Variants in SLC6A17 observed in about 807,000 individuals in gnomAD.
The protein encoded by SLC6A17 is solute carrier family 6 member 17.
Under a neutral mutation model 64.5 loss-of-function variants are expected in SLC6A17, and 21 were observed. That is an observed-to-expected ratio of 0.33 (90% confidence interval 0.23 to 0.47). The LOEUF is 0.47. SLC6A17 is among the 20% of genes least tolerant of loss of function. The probability of loss-of-function intolerance (pLI) is 1.00; values close to 1 mark genes in which losing one functional copy is unlikely to be tolerated. For synonymous variants in SLC6A17, 372 were observed against 399.5 expected (o/e 0.93, Z 0.82); for missense variants, 682 against 963.2 (o/e 0.71, Z 3.86).
chr1:110,180,105 CA>C (rs1269684238), intron 6 of SLC6A17, among the ~76,000 whole-genome samples: 1 of 152,072 alleles, frequency 6.6e-6, no homozygotes, highest in Non-Finnish European at 1.5e-5. Flanking sequence ...AATTAAAAAT[CA>C]ACATAAAAAT....
In SLC6A17 at chr1:110,172,101, G is replaced by A. The variant is rs1447217919; in HGVS notation, c.328G>A (p.Gly110Arg). The change falls in exon 3 of 12, where the codon GGG (glycine) becomes AGG (arginine). Residue 110 changes from glycine to arginine, a missense_variant. By Grantham distance (125) the Gly-to-Arg change is moderately radical. Transcript: ENST00000331565. ...VPYLVLLIII[G>R]IPLFFLELAV... Reference sequence around the variant, plus strand: ...CTACCTGGTGCTGCTGATCATCATCGGGATCCCCCTCTTCTTCCTGGAGCT... The same window carrying A: ...CTACCTGGTGCTGCTGATCATCATCAGGATCCCCCTCTTCTTCCTGGAGCT... 5.6e-6 allele frequency: 9 copies of A among 1,614,080 alleles called. No individual in the cohort carries two copies. Among genetic ancestry groups the A allele is most frequent in the Non-Finnish European group, 6.8e-6 (8 of 1,180,000 alleles).
In SLC6A17 at chr1:110,192,472, C is replaced by A. The variant is rs1297653347; in HGVS notation, c.1107-34C>A. 2.5e-6 allele frequency: 4 copies of A among 1,588,252 alleles called. No homozygotes were observed. Among genetic ancestry groups the A allele is most frequent in the African/African-American group, 2.7e-5 (2 of 74,722 alleles). On this transcript the variant is annotated intron_variant, in intron 7 of 11. Transcript: ENST00000331565. The surrounding 1 kb of genome is among the most constrained non-coding windows in gnomAD (Gnocchi z 4.3). ...GATCTCACCCATTGCCCACCCCTGC[C>A]TTCTTACCTGGTCCTCTCGGTTTTG...
At position 110,172,113 on chromosome 1, in the gene SLC6A17, T is replaced by C. The variant is rs1656255448; in HGVS notation, c.340T>C (p.Phe114Leu). 1.9e-6 allele frequency: 3 copies of C among 1,614,016 alleles called. No homozygotes were observed. Among genetic ancestry groups the C allele is most frequent in the Non-Finnish European group, 2.5e-6 (3 of 1,180,028 alleles). Residue 114 changes from phenylalanine to leucine, a missense_variant, in exon 3 of 12, where the codon TTC becomes CTC. Phe to Leu is a conservative substitution (Grantham distance 22, BLOSUM62 0). Around this residue, in one of 3 missense-constraint regions of SLC6A17, gnomAD observed 415 missense variants for 603.8 expected, o/e 0.69. Coordinates refer to ENST00000331565, the MANE Select transcript of SLC6A17 (RefSeq NM_001010898.4). ...VLLIIIGIPLFFLELAVGQRI... is the reference protein window; with the variant it reads ...VLLIIIGIPLLFLELAVGQRI... ...GCTGATCATCATCGGGATCCCCCTC[T>C]TCTTCCTGGAGCTGGCTGTGGGTCA...
At position 110,167,051 on chromosome 1, in the gene SLC6A17, C is replaced by G. The variant is rs1656082043; in HGVS notation, c.122C>G (p.Ala41Gly). 2.5e-6 allele frequency: 4 copies of G among 1,611,742 alleles called. No individual in the cohort carries two copies. In the East Asian group the frequency reaches 8.9e-5, roughly 36 times the overall value. Reference sequence around the variant, plus strand: ...TATAAGCAGAGTGTACTGAATGTGGCTGGTGAGGCAGGCGGCAAGCAGAAG... The same window carrying G: ...TATAAGCAGAGTGTACTGAATGTGGGTGGTGAGGCAGGCGGCAAGCAGAAG... ...VDYKQSVLNV[A>G]GEAGGKQKAV... The change falls in exon 2 of 12, where the codon GCT becomes GGT. Residue 41 changes from alanine to glycine, a missense_variant. By Grantham distance (60) the Ala-to-Gly change is moderately conservative. Around this residue, in one of 3 missense-constraint regions of SLC6A17, gnomAD observed 415 missense variants for 603.8 expected, o/e 0.69. Transcript: ENST00000331565.
chr1:110,183,603 A>G (rs1656588194), intron 6 of SLC6A17, among the ~76,000 whole-genome samples: 1 of 152,194 alleles, frequency 6.6e-6, no homozygotes, highest in Admixed American at 6.5e-5. Flanking sequence ...TTGTGCACTT[A>G]AAAAATTCAA....
rs987715757 is a variant in SLC6A17, at chr1:110,200,382, G to C, written c.*1938G>C. 3 of 322,116 alleles carry C rather than the reference G, an allele frequency of 9.3e-6. No homozygotes were observed. The highest frequency in any genetic ancestry group is 1.7e-5 in the Non-Finnish European group (3 of 178,076). 20.0% of individuals were successfully genotyped at this position (322,116 alleles called of 1,614,324 possible). On this transcript the variant is annotated 3_prime_UTR_variant, in exon 12 of 12. Transcript: ENST00000331565. ...CATCCCACCGCAGTCCCCCTCACCC[G>C]ACAACACCTCCTACCTGGCCCCTTG...
In SLC6A17 at chr1:110,173,992, T is replaced by C. The variant is rs745842654; in HGVS notation, c.464T>C (p.Leu155Pro). 14 of 1,613,844 alleles carry C rather than the reference T, an allele frequency of 8.7e-6. No homozygotes were observed. In the South Asian group the frequency reaches 1.4e-4, roughly 16 times the overall value. The change falls in exon 4 of 12, where the codon CTG becomes CCG. Residue 155 changes from leucine to proline, a missense_variant. Physicochemically the swap from Leu to Pro is moderately conservative, Grantham distance 98 (BLOSUM62 -3). Transcript: ENST00000331565. ...SSCIVCLFVG[L>P]YYNVIIGWSI... ...CCCCAGGTCTGTCTCTTTGTGGGGC[T>C]GTATTATAATGTGATCATCGGGTGG...
chr1:110,200,045 G>A lies in SLC6A17; in HGVS notation c.*1601G>A, dbSNP rs537134015. On this transcript the variant is annotated 3_prime_UTR_variant, in exon 12 of 12. Coordinates refer to ENST00000331565, the MANE Select transcript of SLC6A17 (RefSeq NM_001010898.4). Reference sequence around the variant, plus strand: ...GCTCCATCTTTGAGAGCTCTGGTGGGCAGGGCAGAAACAGGCCACAGTGCT... The same window carrying A: ...GCTCCATCTTTGAGAGCTCTGGTGGACAGGGCAGAAACAGGCCACAGTGCT... The A allele has an allele frequency of 1.0e-5, 4 of 398,460 alleles. No homozygotes were observed. The Admixed American group carries it at 1.8e-4, about 18-fold the overall frequency. 24.7% of individuals were successfully genotyped at this position (398,460 alleles called of 1,614,324 possible). A position where few individuals can be genotyped will look rare whatever the true frequency, so the allele number is the denominator to read the frequency against.
chr1:110,183,950 C>T (rs1397646589), intron 6 of SLC6A17, among the ~76,000 whole-genome samples: 2 of 151,948 alleles, frequency 1.3e-5, no homozygotes, highest in Admixed American at 6.5e-5. Flanking sequence ...GCACGAAGGG[C>T]CCCCTGGAGG....
At chr1:110,185,647 C>T (rs1198597510) in intron 6 of SLC6A17, among the ~76,000 whole-genome samples, 1 of 152,232 alleles carries the variant, frequency 6.6e-6, no homozygotes, top group African/African-American at 2.4e-5. Context: ...GAGGGAAAAG[C>T]CCATTGCCCA....
Position 110,152,553 on chromosome 1 carries a change from G to A in SLC6A17, c.-88+1670G>A, listed in dbSNP as rs1006732390. On this transcript the variant is annotated intron_variant, in intron 1 of 11. Transcript: ENST00000331565. ...AAGCAGAGCTCTGGCTGTTGAGCAA[G>A]GGTCCTGGAGCTCTGACTCCTTGGG... 1.6e-4 allele frequency among the ~76,000 whole-genome samples: 25 copies of A among 152,206 alleles called. 1 individual carries two copies. Among genetic ancestry groups the A allele is most frequent in the Admixed American group, 4.6e-4 (7 of 15,292 alleles).
chr1:110,178,233 G>C (rs541298622), intron 6 of SLC6A17, among the ~76,000 whole-genome samples: 8 of 152,080 alleles, frequency 5.3e-5, no homozygotes, highest in Non-Finnish European at 1.0e-4. Flanking sequence ...ATATGCTCTG[G>C]TGTTGTTCCT....
At chr1:110,167,347 CA>C in intron 2 of SLC6A17, 132 bp downstream of exon 2, 1 of 1,156,426 alleles carries the variant, frequency 8.6e-7, no homozygotes, top group Non-Finnish European at 1.2e-6. Context: ...CAGAGTAAGA[CA>C]GCCCAGGAAT....
In SLC6A17 at chr1:110,198,395, G is replaced by C. The variant is rs534966872; in HGVS notation, c.2135G>C (p.Arg712Pro). Reference protein sequence around the residue: ...PLETSGNPNGRYGSGYLLAST... With the variant: ...PLETSGNPNGPYGSGYLLAST... ...GAGACCAGCGGTAACCCCAATGGACGCTATGGGAGCGGCTACCTGCTGGCC... is the reference window on the plus strand; with the variant it reads ...GAGACCAGCGGTAACCCCAATGGACCCTATGGGAGCGGCTACCTGCTGGCC... The change falls in exon 12 of 12, where the codon CGC becomes CCC. Residue 712 changes from arginine (R) to proline (P), a missense_variant. Physicochemically the swap from Arg to Pro is moderately radical, Grantham distance 103. Around this residue, in one of 3 missense-constraint regions of SLC6A17, gnomAD observed 264 missense variants for 339.5 expected, o/e 0.78. Transcript: ENST00000331565. 6.2e-7 allele frequency: 1 copy of C among 1,613,772 alleles called. No homozygotes were observed. The highest frequency in any genetic ancestry group is 8.5e-7 in the Non-Finnish European group (1 of 1,179,976).
At position 110,176,633 on chromosome 1, in the gene SLC6A17, T is replaced by C; in HGVS notation, c.758T>C (p.Met253Thr). ...VKGIQSSGKV[M>T]YFSSLFPYVV... The stretch of plus-strand genomic sequence containing the variant: ...GGTTCCCTGTCCTCTCTGCAGGTGA[T>C]GTATTTCAGCTCCCTCTTCCCCTAC... The change falls in exon 6 of 12, where the codon ATG (methionine) becomes ACG (threonine). Residue 253 changes from methionine (M) to threonine (T), a missense_variant. This residue lies in a region of SLC6A17 where 415 missense variants were observed against 603.8 expected (regional missense o/e 0.69). Transcript: ENST00000331565. 1 of 1,613,980 alleles carries C rather than the reference T, an allele frequency of 6.2e-7. No individual in the cohort carries two copies. Among genetic ancestry groups the C allele is most frequent in the Non-Finnish European group, 8.5e-7 (1 of 1,179,922 alleles).
intron 6 of SLC6A17, among the ~76,000 whole-genome samples, chr1:110,183,160 C>T (rs913813392): frequency 6.6e-6 from 1 of 152,154 alleles, no homozygotes; most frequent in Non-Finnish European, 1.5e-5. Flanking sequence ...CACACAAAAA[C>T]TTATACACAA....
chr1:110,199,739 G>C lies in SLC6A17; in HGVS notation c.*1295G>C. 1 of 384,520 alleles carries C rather than the reference G, an allele frequency of 2.6e-6. No individual in the cohort carries two copies. Among genetic ancestry groups the C allele is most frequent in the African/African-American group, 2.1e-5 (1 of 48,480 alleles). 23.8% of individuals were successfully genotyped at this position (384,520 alleles called of 1,614,324 possible). A position where few individuals can be genotyped will look rare whatever the true frequency, so the allele number is the denominator to read the frequency against. ...GCAGAAGGCTGCAGCTGACAACAGC[G>C]ACCCCACCTGCCATTACCTTCAGGG... On this transcript the variant is annotated 3_prime_UTR_variant, in exon 12 of 12. Transcript: ENST00000331565.
rs781385140 is a variant in SLC6A17, at chr1:110,197,472, G to A, written c.1688G>A (p.Arg563His). 2.4e-5 allele frequency: 38 copies of A among 1,613,432 alleles called. No homozygotes were observed. In the Admixed American group the frequency reaches 2.8e-4, roughly 12 times the overall value. The change falls in exon 11 of 12, where the codon CGC becomes CAC. Residue 563 changes from arginine (R) to histidine (H), a missense_variant. Transcript: ENST00000331565. ...MQELTEMLGF[R>H]PYRFYFYMWK... Reference sequence around the variant, plus strand: ...GAGCTGACGGAGATGCTGGGCTTCCGCCCCTACCGCTTCTATTTCTACATG... The same window carrying A: ...GAGCTGACGGAGATGCTGGGCTTCCACCCCTACCGCTTCTATTTCTACATG...
chr1:110,195,717 G>T lies in SLC6A17; in HGVS notation c.1624G>T (p.Ala542Ser). The T allele has an allele frequency of 1.9e-6, 3 of 1,614,222 alleles. No homozygotes were observed. The highest frequency in any genetic ancestry group is 1.7e-5 in the Admixed American group (1 of 60,032). The stretch of plus-strand genomic sequence containing the variant: ...TCTCATCGTCATCCTTGAGAACATC[G>T]CTGTGGCCTGGATTTATGGAACCAA... The part of the protein sequence containing the change: ...LTLIVILENI[A>S]VAWIYGTKKF... The change falls in exon 10 of 12, where the codon GCT (alanine) becomes TCT (serine). Residue 542 changes from alanine (A) to serine (S), a missense_variant. This residue lies in a region of SLC6A17 where 264 missense variants were observed against 339.5 expected (regional missense o/e 0.78). Transcript: ENST00000331565.
Sources: gnomAD v4.1 joint callset for allele counts (sites outside exome capture counted in the v4.1 genomes callset) on GRCh38, gnomAD v4.1.1 for gene constraint, gnomAD v4.1.1 regional missense constraint, Gnocchi (gnomAD v3.1) non-coding constraint, MANE v1.5 for transcripts, NCBI Gene and HGNC (gene_info 2026-07-23, HGNC 2026-07-21) for gene names.